Variants in CNTN2 observed in about 807,000 individuals in gnomAD.
CNTN2 encodes the protein contactin-2.
CNTN2 carries 53 observed loss-of-function variants against 117.5 expected under a neutral mutation model. The ratio of observed to expected loss-of-function variants is 0.45; its 90% CI spans 0.36 to 0.57. The LOEUF (loss-of-function observed/expected upper bound fraction) is 0.57. CNTN2 is among the 20% of genes least tolerant of loss of function. The probability of loss-of-function intolerance (pLI) is 0.00; values close to 1 mark genes in which losing one functional copy is unlikely to be tolerated. For synonymous variants in CNTN2, 530 were observed against 561.7 expected, an observed-to-expected ratio of 0.94 and a Z score of 0.80; for missense variants, 1,106 against 1,404.3, an observed-to-expected ratio of 0.79 and a Z score of 3.39.
chr1:205,060,720 AAAAAAAAAAAAAAAG>A (rs1653928163), intron 7 of CNTN2: 1 of 151,114 alleles, frequency 6.6e-6, no homozygotes. Flanking sequence ...CGTCTCAAAA[AAAAAAAAAAAAAAAG>A]AAAAAAAAGA....
Position 205,075,125 on chromosome 1 carries a change from G to A in CNTN2, c.*1360G>A, listed in dbSNP as rs369010162. ...AGAGATGGGGCTGGGTTAAGAACTC[G>A]AGTCTTCCACCTTTCTGTTCAAGGC... On this transcript the variant is annotated 3_prime_UTR_variant, in exon 23 of 23. Transcript: ENST00000331830. 111 of 387,218 alleles carry A rather than the reference G, an allele frequency of 2.9e-4. 1 individual carries two copies. The highest frequency in any genetic ancestry group is 8.1e-4 in the East Asian group (22 of 27,238). The allele number at this position is 387,218 out of a possible 1,614,324, so 24.0% of individuals were successfully genotyped here.
intron 1 of CNTN2, among the ~76,000 whole-genome samples, 160 bp downstream of exon 1, chr1:205,043,554 C>T (rs1488566027): frequency 6.6e-6 from 1 of 152,194 alleles, no homozygotes; most frequent in East Asian, 1.9e-4. Context: ...GACTTCTCCC[C>T]TCAGCCCCAG....
chr1:205,069,587 C>T, intron 17 of CNTN2, 26 bp downstream of exon 17: 2 of 1,606,106 alleles, frequency 1.2e-6, no homozygotes, highest in South Asian at 1.1e-5. Context: ...CAGATGTCCT[C>T]CTCCTCCTCC....
Position 205,059,021 on chromosome 1 carries a change from C to T in CNTN2, c.488-63C>T, listed in dbSNP as rs1653816113. 1.0e-5 allele frequency: 15 copies of T among 1,453,752 alleles called. 1 individual carries two copies. In the South Asian group the frequency reaches 1.4e-4, roughly 14 times the overall value. 90.1% of individuals were successfully genotyped at this position (1,453,752 alleles called of 1,614,324 possible). A position where few individuals can be genotyped will look rare whatever the true frequency, so the allele number is the denominator to read the frequency against. On this transcript the variant is annotated intron_variant, in intron 5 of 22. Coordinates refer to ENST00000331830, the MANE Select transcript of CNTN2 (RefSeq NM_005076.5). This position sits in a 1 kb window ranked among gnomAD's most constrained non-coding sequence, Gnocchi z 5.6. ...CAGAACCGCACCAGCATGCTGGGGTCCCACCCAGAGTGGCCCTGTTAGCCC... is the reference window on the plus strand; with the variant it reads ...CAGAACCGCACCAGCATGCTGGGGTTCCACCCAGAGTGGCCCTGTTAGCCC...
In CNTN2 at chr1:205,061,718, C is replaced by G; in HGVS notation, c.974-147C>G. On this transcript the variant is annotated intron_variant, in intron 8 of 22. Coordinates refer to ENST00000331830, the MANE Select transcript of CNTN2 (RefSeq NM_005076.5). The surrounding 1 kb of genome is among the most constrained non-coding windows in gnomAD (Gnocchi z 4.8). ...TTTCTTGTGCCTCCTTCTTCCGGCC[C>G]CCTCCTCTTTGTCCTCTCCATCTCA... 9.1e-7 allele frequency: 1 copy of G among 1,097,820 alleles called. No homozygotes were observed. The highest frequency in any genetic ancestry group is 1.3e-6 in the Non-Finnish European group (1 of 775,122). The allele number at this position is 1,097,820 out of a possible 1,614,324, so 68.0% of individuals were successfully genotyped here. A position where few individuals can be genotyped will look rare whatever the true frequency, so the allele number is the denominator to read the frequency against.
chr1:205,066,405 A>G (rs754098372), intron 14 of CNTN2, 36 bp from the exon 15 acceptor site: 2 of 1,604,400 alleles, frequency 1.2e-6, no homozygotes, highest in African/African-American at 1.3e-5. Context: ...GAAGCTGCCC[A>G]ATTCTGACCC....
Position 205,061,413 on chromosome 1 carries a change from C to T in CNTN2, c.966C>T (p.Ile322=), listed in dbSNP as rs1247893625. ...GAGACACCGTGCAGGGCCGCATCAT[C>T]GTGCAGGGTACAGAGCCAGGGACAC... ...KGRDTVQGRI[I]VQAQPEWLKV... is the part of the protein sequence containing the mutation. Residue 322 remains isoleucine, a synonymous_variant, in exon 8 of 23, where the codon ATC becomes ATT. Coordinates refer to ENST00000331830, the MANE Select transcript of CNTN2 (RefSeq NM_005076.5). This position sits in a 1 kb window ranked among gnomAD's most constrained non-coding sequence, Gnocchi z 4.8. 2 of 1,609,918 alleles carry T rather than the reference C, an allele frequency of 1.2e-6. No individual in the cohort carries two copies. Among genetic ancestry groups the T allele is most frequent in the African/African-American group, 1.3e-5 (1 of 74,984 alleles).
rs771136763 is a variant in CNTN2, at chr1:205,073,030, G to A, written c.2845-38G>A. 8 of 1,610,632 alleles carry A rather than the reference G, an allele frequency of 5.0e-6. No homozygotes were observed. Among genetic ancestry groups the A allele is most frequent in the Non-Finnish European group, 6.8e-6 (8 of 1,178,058 alleles). On this transcript the variant is annotated intron_variant, in intron 21 of 22. Transcript: ENST00000331830. The surrounding 1 kb of genome is among the most constrained non-coding windows in gnomAD (Gnocchi z 6.3). ...GGGGATGACTCAACGATCAGCCCTG[G>A]TGTCAGGAAACTCCACCTGGAAACC...
chr1:205,045,745 G>A (rs2096440515), intron 1 of CNTN2, among the ~76,000 whole-genome samples: 1 of 152,148 alleles, frequency 6.6e-6, no homozygotes, highest in African/African-American at 2.4e-5. Context: ...TGCCAGGGAA[G>A]CCAGAGGGAC....
At chr1:205,052,129 A>T (rs752624490) in intron 1 of CNTN2, among the ~76,000 whole-genome samples, 41 of 152,244 alleles carry the variant, frequency 2.7e-4, no homozygotes, top group Non-Finnish European at 5.1e-4. Context: ...AGAGCAGAGC[A>T]GCAGAATCTG....
In CNTN2 at chr1:205,072,300, C is replaced by T. The variant is rs567368133; in HGVS notation, c.2731+167C>T. ...GAAATAAGGGAATGGAATTCATGGC[C>T]CCTGAAGCGTCTCACACTTCTCCAA... On this transcript the variant is annotated intron_variant, in intron 20 of 22. Coordinates refer to ENST00000331830, the MANE Select transcript of CNTN2 (RefSeq NM_005076.5). 2.8e-5 allele frequency: 23 copies of T among 831,860 alleles called. 1 individual carries two copies. The South Asian group carries it at 3.7e-4, about 13-fold the overall frequency. 51.5% of individuals were successfully genotyped at this position (831,860 alleles called of 1,614,324 possible). A position where few individuals can be genotyped will look rare whatever the true frequency, so the allele number is the denominator to read the frequency against.
Position 205,061,456 on chromosome 1 carries a change from A to C in CNTN2, c.973+36A>C. The C allele has an allele frequency of 1.3e-6, 2 of 1,527,882 alleles. No individual in the cohort carries two copies. The highest frequency in any genetic ancestry group is 3.9e-5 in the Admixed American group (2 of 50,902). The allele number at this position is 1,527,882 out of a possible 1,614,324, so 94.6% of individuals were successfully genotyped here. On this transcript the variant is annotated intron_variant, in intron 8 of 22. Transcript: ENST00000331830. The surrounding 1 kb of genome is among the most constrained non-coding windows in gnomAD (Gnocchi z 4.8). ...AGGGACACCTTCTCCGCCCCTCCCG[A>C]CCCCCCTTCCCGCCTTCACCCTTGT...
At chr1:205,066,682 G>C in intron 15 of CNTN2, 83 bp downstream of exon 15, 1 of 1,497,218 alleles carries the variant, frequency 6.7e-7, no homozygotes, top group East Asian at 2.3e-5. Context: ...TTGGGGATCG[G>C]GGTCTGAGGG....
At chr1:205,050,279 G>GTGTGTA (rs1491379424) in intron 1 of CNTN2, among the ~76,000 whole-genome samples, 1 of 1,664 alleles carries the variant, frequency 6.0e-4, no homozygotes, top group African/African-American at 3.9e-3. Flanking sequence ...AGAGCTCTGA[G>GTGTGTA]TGTGTGTGTG....
At position 205,061,136 on chromosome 1, in the gene CNTN2, C is replaced by A; in HGVS notation, c.798-109C>A. The stretch of plus-strand genomic sequence containing the variant: ...GCACCCTCTCTCCCTCTGTTCCTCC[C>A]AGGCCCAGCATCTCAGGAGGGCCTG... On this transcript the variant is annotated intron_variant, in intron 7 of 22. Transcript: ENST00000331830. The surrounding 1 kb of genome is among the most constrained non-coding windows in gnomAD (Gnocchi z 4.8). 1 of 1,250,740 alleles carries A rather than the reference C, an allele frequency of 8.0e-7. No homozygotes were observed. The highest frequency in any genetic ancestry group is 1.1e-6 in the Non-Finnish European group (1 of 907,850). The allele number at this position is 1,250,740 out of a possible 1,614,324, so 77.5% of individuals were successfully genotyped here. A position where few individuals can be genotyped will look rare whatever the true frequency, so the allele number is the denominator to read the frequency against.
intron 1 of CNTN2, among the ~76,000 whole-genome samples, chr1:205,046,613 C>T (rs2096441949): frequency 6.6e-6 from 1 of 152,172 alleles, no homozygotes; most frequent in African/African-American, 2.4e-5. Context: ...TCTGAGCCAC[C>T]CTGGAGGAAG....
chr1:205,070,612 C>A (rs2151199112), intron 19 of CNTN2, 74 bp downstream of exon 19: 1 of 1,005,724 alleles, frequency 9.9e-7, no homozygotes, highest in Non-Finnish European at 1.5e-6. Flanking sequence ...AACTCACAGA[C>A]CACTAATCAT....
At chr1:205,043,640 C>T (rs577098838) in intron 1 of CNTN2, among the ~76,000 whole-genome samples, 60 of 152,288 alleles carry the variant, frequency 3.9e-4, no homozygotes, top group African/African-American at 1.3e-3. Context: ...CGAGCCTGGC[C>T]GAAAAGCTGG....
chr1:205,053,780 G>A (rs2096456745), intron 2 of CNTN2, among the ~76,000 whole-genome samples: 1 of 152,262 alleles, frequency 6.6e-6, no homozygotes, highest in African/African-American at 2.4e-5. Context: ...GACATGAGCA[G>A]ACAGCGGTCA....
Sources: allele counts gnomAD v4.1 joint callset (sites outside exome capture counted in the v4.1 genomes callset), GRCh38; gene constraint gnomAD v4.1.1; non-coding constraint Gnocchi (gnomAD v3.1); transcripts MANE v1.5; gene names NCBI Gene and HGNC (gene_info 2026-07-23, HGNC 2026-07-21).